Variants in LRRC4C observed in about 807,000 individuals in gnomAD.
The protein encoded by LRRC4C is leucine rich repeat containing 4C.
In LRRC4C, 5 loss-of-function variants were observed where a neutral mutation model predicts 33.6. The ratio of observed to expected loss-of-function variants is 0.15; its 90% CI spans 0.08 to 0.31. The LOEUF is 0.31. Among genes scored for constraint, LRRC4C ranks in the 10% least tolerant of loss-of-function variants. The probability of loss-of-function intolerance (pLI) is 1.00; values close to 1 mark genes in which losing one functional copy is unlikely to be tolerated. For synonymous variants in LRRC4C, 329 were observed against 302.0 expected, an observed-to-expected ratio of 1.09 and a Z score of -0.93; for missense variants, 560 against 796.7, an observed-to-expected ratio of 0.70 and a Z score of 3.58.
At chr11:41,208,339 C>T (rs919135611) in intron 1 of LRRC4C, among the ~76,000 whole-genome samples, 5 of 151,926 alleles carry the variant, frequency 3.3e-5, no homozygotes, top group African/African-American at 7.3e-5. Context: ...AAAATGAGAG[C>T]GGAAAGAGAT....
chr11:41,164,654 T>C (rs1446093977), intron 1 of LRRC4C, among the ~76,000 whole-genome samples: 1 of 152,156 alleles, frequency 6.6e-6, no homozygotes, highest in African/African-American at 2.4e-5. Flanking sequence ...ATGAGGTCAC[T>C]GGGCAATAGG....
intron 1 of LRRC4C, among the ~76,000 whole-genome samples, chr11:41,167,943 C>T (rs999047743): frequency 5.3e-5 from 8 of 152,284 alleles, no homozygotes; most frequent in African/African-American, 1.9e-4. Flanking sequence ...AAATTGACTA[C>T]CTGATAAAAA....
chr11:41,190,173 G>T (rs928408738), intron 1 of LRRC4C, among the ~76,000 whole-genome samples: 2 of 152,084 alleles, frequency 1.3e-5, no homozygotes, highest in Non-Finnish European at 2.9e-5. Context: ...TTCTGTAGAA[G>T]TAGAGAGGTC....
intron 2 of LRRC4C, among the ~76,000 whole-genome samples, chr11:40,819,206 G>T (rs1384509330): frequency 3.9e-5 from 6 of 151,954 alleles, no homozygotes; most frequent in Admixed American, 3.3e-4. Flanking sequence ...CCAGATATGG[G>T]CAATTAAGAA....
intron 1 of LRRC4C, among the ~76,000 whole-genome samples, chr11:41,071,167 C>A (rs1938648990): frequency 6.6e-6 from 1 of 152,016 alleles, no homozygotes; most frequent in South Asian, 2.1e-4. Flanking sequence ...AACCAAACAC[C>A]ACATGTTCTC....
At chr11:41,411,724 T>A (rs1954497422) in intron 1 of LRRC4C, among the ~76,000 whole-genome samples, 1 of 152,168 alleles carries the variant, frequency 6.6e-6, no homozygotes, top group South Asian at 2.1e-4. Flanking sequence ...CTGTGTGAAG[T>A]TTGCACGTTC....
rs375399843 is a variant in LRRC4C, at chr11:40,761,652, A to G, written c.-406-113374T>C. Among the ~76,000 whole-genome samples, 10 of 152,114 alleles carry G rather than the reference A, an allele frequency of 6.6e-5. No homozygotes were observed. In the South Asian group the frequency reaches 1.2e-3, roughly 19 times the overall value. On this transcript the variant is annotated intron_variant, in intron 2 of 6. Transcript: ENST00000528697. ...GCAGCAAAACACACTTATTATTATT[A>G]TTTTCAAGTGAAAATCCAAGTTATA...
intron 2 of LRRC4C, among the ~76,000 whole-genome samples, chr11:40,931,328 GC>G (rs1247052357): frequency 6.6e-6 from 1 of 152,068 alleles, no homozygotes; most frequent in African/African-American, 2.4e-5. Context: ...AGTAGAAAAG[GC>G]TTTTATTTTC....
At position 41,348,525 on chromosome 11, in the gene LRRC4C, A is replaced by G. The variant is rs916508499; in HGVS notation, c.-496+110906T>C. ...ACATGACATGAATTGAATAAGAAAG[A>G]AAGAGTGTTGCCCTCGGGCGTGAAG... is the stretch of plus-strand genomic sequence containing the variant. On this transcript the variant is annotated intron_variant, in intron 1 of 6. Transcript: ENST00000528697. 7.9e-5 allele frequency among the ~76,000 whole-genome samples: 12 copies of G among 152,110 alleles called. No individual in the cohort carries two copies. In the East Asian group the frequency reaches 2.3e-3, roughly 29 times the overall value.
intron 1 of LRRC4C, among the ~76,000 whole-genome samples, chr11:41,174,578 C>T (rs2136113431): frequency 6.6e-6 from 1 of 151,984 alleles, no homozygotes; most frequent in South Asian, 2.1e-4. Flanking sequence ...GCTCTGTTTT[C>T]CAGGATTATG....
chr11:40,490,817 AG>A (rs1565441050), intron 3 of LRRC4C, among the ~76,000 whole-genome samples: 1 of 152,204 alleles, frequency 6.6e-6, no homozygotes, highest in East Asian at 1.9e-4. Flanking sequence ...AACCTGGTTT[AG>A]GAAATGCAAA....
chr11:40,514,796 A>G (rs930057870), intron 3 of LRRC4C, among the ~76,000 whole-genome samples: 7 of 152,170 alleles, frequency 4.6e-5, no homozygotes, highest in Non-Finnish European at 8.8e-5. Context: ...CAATACAATC[A>G]TCTAAAAGTT....
chr11:40,394,299 T>A (rs1247827019), intron 3 of LRRC4C, among the ~76,000 whole-genome samples: 3 of 152,152 alleles, frequency 2.0e-5, no homozygotes, highest in African/African-American at 7.2e-5. Flanking sequence ...ACACAGTGAA[T>A]CTTCCTGGCA....
At chr11:40,286,573 G>A (rs1021573609) in intron 4 of LRRC4C, among the ~76,000 whole-genome samples, 4 of 152,124 alleles carry the variant, frequency 2.6e-5, no homozygotes, top group African/African-American at 7.2e-5. Flanking sequence ...CTCCATAAAA[G>A]TAAAGCAAAA....
chr11:40,164,993 TA>T (rs1189720785), intron 5 of LRRC4C, among the ~76,000 whole-genome samples: 1 of 152,166 alleles, frequency 6.6e-6, no homozygotes, highest in Non-Finnish European at 1.5e-5. Flanking sequence ...CCAGGAATCT[TA>T]AAAATGTAAA....
intron 1 of LRRC4C, among the ~76,000 whole-genome samples, chr11:40,979,543 T>A (rs61887574): frequency 0.022 from 3,329 of 152,124 alleles, 36 homozygotes; most frequent in Middle Eastern, 0.045. Flanking sequence ...ATTAATCACA[T>A]CTATGAACAT....
At chr11:40,413,401 C>T (rs1950218996) in intron 3 of LRRC4C, among the ~76,000 whole-genome samples, 1 of 152,062 alleles carries the variant, frequency 6.6e-6, no homozygotes, top group South Asian at 2.1e-4. Flanking sequence ...TTCTTCTACC[C>T]TCTCTGCTTA....
At chr11:40,586,999 C>T (rs1958787136) in intron 3 of LRRC4C, among the ~76,000 whole-genome samples, 1 of 151,692 alleles carries the variant, frequency 6.6e-6, no homozygotes, top group Non-Finnish European at 1.5e-5. Flanking sequence ...TAGTTTTTTC[C>T]AATTCTGTGA....
intron 1 of LRRC4C, among the ~76,000 whole-genome samples, chr11:41,019,578 T>C (rs1438028545): frequency 1.3e-5 from 2 of 152,102 alleles, no homozygotes; most frequent in Non-Finnish European, 2.9e-5. Context: ...TGACTCTAGA[T>C]CCTTGAGGAA....
Sources: gnomAD v4.1 joint callset for allele counts (sites outside exome capture counted in the v4.1 genomes callset) on GRCh38, gnomAD v4.1.1 for gene constraint, MANE v1.5 for transcripts, NCBI Gene and HGNC (gene_info 2026-07-23, HGNC 2026-07-21) for gene names.